The following BACH2 variants were observed in gnomAD, a reference collection of about 807,000 sequenced individuals.
BACH2 encodes the protein BACH transcriptional regulator 2.
A neutral mutation model predicts 61.8 loss-of-function variants in BACH2; 5 were observed. That is an observed-to-expected ratio of 0.08 (90% CI 0.04 to 0.17). The LOEUF (loss-of-function observed/expected upper bound fraction) is 0.17. Among genes scored for constraint, BACH2 ranks in the 10% least tolerant of loss-of-function variants. BACH2 has a pLI of 1.00. For synonymous variants in BACH2, 446 were observed against 440.1 expected, an observed-to-expected ratio of 1.01 and a Z score of -0.17; for missense variants, 824 against 1,091.1, an observed-to-expected ratio of 0.76 and a Z score of 3.45.
intron 2 of BACH2, among the ~76,000 whole-genome samples, chr6:90,268,942 C>T (rs1326269397): frequency 6.6e-6 from 1 of 152,106 alleles, no homozygotes; most frequent in Non-Finnish European, 1.5e-5. Flanking sequence ...TAAGTTCATT[C>T]TTGTCAGGAA....
At chr6:90,094,594 A>G (rs987095954) in intron 4 of BACH2, among the ~76,000 whole-genome samples, 1 of 152,156 alleles carries the variant, frequency 6.6e-6, no homozygotes, top group African/African-American at 2.4e-5. Context: ...AGGTTTGCCT[A>G]AACTTCAAGG....
intron 7 of BACH2, among the ~76,000 whole-genome samples, chr6:89,948,873 CT>C (rs1773905364): frequency 6.6e-6 from 1 of 152,122 alleles, no homozygotes; most frequent in Admixed American, 6.5e-5. Context: ...TATTTCCTTT[CT>C]AATTTATTTT....
intron 5 of BACH2, among the ~76,000 whole-genome samples, chr6:90,030,527 C>T (rs540490709): frequency 4.2e-4 from 64 of 152,180 alleles, no homozygotes; most frequent in South Asian, 8.3e-4. Flanking sequence ...GGGATATCAC[C>T]ACCGATGCCA....
intron 4 of BACH2, among the ~76,000 whole-genome samples, chr6:90,158,903 TATC>T (rs897610821): frequency 3.9e-5 from 6 of 152,194 alleles, no homozygotes; most frequent in African/African-American, 1.2e-4. Flanking sequence ...GGCTGAAAAA[TATC>T]ATCTCTTAAT....
At chr6:89,968,747 A>T (rs1480336075) in intron 6 of BACH2, among the ~76,000 whole-genome samples, 1 of 152,236 alleles carries the variant, frequency 6.6e-6, no homozygotes, top group African/African-American at 2.4e-5. Flanking sequence ...ACAGTGGTTC[A>T]CGCCTATAAT....
chr6:90,252,169 T>C (rs1770831915), intron 3 of BACH2, among the ~76,000 whole-genome samples: 1 of 152,198 alleles, frequency 6.6e-6, no homozygotes, highest in South Asian at 2.1e-4. Context: ...GTTTTAAGAC[T>C]GCCCGGGTAT....
intron 5 of BACH2, among the ~76,000 whole-genome samples, chr6:90,086,127 G>C (rs746897921): frequency 3.3e-5 from 5 of 152,080 alleles, no homozygotes; most frequent in Admixed American, 3.3e-4. Context: ...CATCTTCAGG[G>C]TTCCTCCATG....
chr6:90,018,408 T>C (rs534702022), intron 5 of BACH2, among the ~76,000 whole-genome samples: 2 of 152,356 alleles, frequency 1.3e-5, no homozygotes, highest in Admixed American at 1.3e-4. Flanking sequence ...CTAGAAACTC[T>C]CAAAGCAGTA....
At chr6:89,972,202 C>G (rs543092548) in intron 6 of BACH2, among the ~76,000 whole-genome samples, 7 of 152,106 alleles carry the variant, frequency 4.6e-5, no homozygotes, top group Non-Finnish European at 1.0e-4. Context: ...GAGGCTGGCC[C>G]AGGGGCCTCA....
intron 6 of BACH2, among the ~76,000 whole-genome samples, chr6:89,971,993 C>T (rs1441736416): frequency 6.6e-6 from 1 of 152,184 alleles, no homozygotes; most frequent in Non-Finnish European, 1.5e-5. Context: ...GACAAATGAG[C>T]TGCAGCCTGA....
chr6:90,032,112 TC>T (rs1385722272), intron 5 of BACH2, among the ~76,000 whole-genome samples: 1 of 152,080 alleles, frequency 6.6e-6, no homozygotes, highest in Non-Finnish European at 1.5e-5. Flanking sequence ...GGGAAAGGAT[TC>T]CCTATTTAAT....
intron 7 of BACH2, among the ~76,000 whole-genome samples, chr6:89,941,003 T>C (rs1026368447): frequency 1.3e-5 from 2 of 152,076 alleles, no homozygotes; most frequent in Non-Finnish European, 2.9e-5. Flanking sequence ...GGAGACAGAA[T>C]AAATGGACTC....
rs1325955008 is a variant in BACH2 at position 89,932,416 on chromosome 6, A to G, written c.2518T>C (p.Tyr840His). ...GAGGCAGAGCCGAGTCACTAGGTAT[A>G]ATCTTTCCTGGGCTGTTCGTCAGTT... ...CTTDEQPRKD[Y>H]T is the part of the protein sequence containing the mutation. The change falls in exon 9 of 9, where the codon TAT (tyrosine) becomes CAT (histidine). Residue 840 changes from tyrosine (Y) to histidine (H), a missense_variant. By Grantham distance (83) the Tyr-to-His change is moderately conservative (BLOSUM62 2). Around this residue, in one of 8 missense-constraint regions of BACH2, gnomAD observed 135 missense variants for 142.7 expected, o/e 0.95. Transcript: ENST00000257749. The G allele has an allele frequency of 1.2e-6, 2 of 1,611,372 alleles. No individual in the cohort carries two copies. The highest frequency in any genetic ancestry group is 4.5e-5 in the East Asian group (2 of 44,794).
At chr6:90,123,160 G>C (rs1304973151) in intron 4 of BACH2, among the ~76,000 whole-genome samples, 1 of 152,142 alleles carries the variant, frequency 6.6e-6, no homozygotes, top group Non-Finnish European at 1.5e-5. Context: ...AATCCAAGGG[G>C]AGGTGTCCTT....
chr6:90,271,390 GA>G (rs1326961537), intron 2 of BACH2, among the ~76,000 whole-genome samples: 3 of 135,694 alleles, frequency 2.2e-5, no homozygotes. Context: ...AAAGAAAAAA[GA>G]AAAAAGAAAG....
intron 5 of BACH2, among the ~76,000 whole-genome samples, chr6:90,023,496 T>TA (rs1778487003): frequency 6.6e-6 from 1 of 152,194 alleles, no homozygotes. Flanking sequence ...CACAAGCAGA[T>TA]ACCACCATGC....
intron 2 of BACH2, among the ~76,000 whole-genome samples, chr6:90,256,380 C>A (rs1425792925): frequency 6.6e-6 from 1 of 152,190 alleles, no homozygotes; most frequent in Non-Finnish European, 1.5e-5. Flanking sequence ...AAAAACCTTC[C>A]ATGTGTAACC....
intron 6 of BACH2, among the ~76,000 whole-genome samples, chr6:89,957,035 C>T (rs1774462429): frequency 1.3e-5 from 2 of 152,206 alleles, no homozygotes; most frequent in African/African-American, 2.4e-5. Context: ...GAATCTCTTA[C>T]ACACTGCAGG....
chr6:90,019,335 CATGAA>C (rs1475111305), intron 5 of BACH2, among the ~76,000 whole-genome samples: 2 of 151,964 alleles, frequency 1.3e-5, no homozygotes, highest in Non-Finnish European at 2.9e-5. Context: ...TTTAATGAAA[CATGAA>C]ATGAAAGAAA....
Sources: allele counts gnomAD v4.1 joint callset (sites outside exome capture counted in the v4.1 genomes callset), GRCh38; gene constraint gnomAD v4.1.1; regional missense constraint gnomAD v4.1.1; transcripts MANE v1.5; gene names NCBI Gene and HGNC (gene_info 2026-07-23, HGNC 2026-07-21).